The following ZNF205 variants were observed in gnomAD, a reference collection of about 807,000 sequenced individuals.
ZNF205 encodes zinc finger protein 205.
Under a neutral mutation model 53.6 loss-of-function variants are expected in ZNF205, and 32 were observed. That is an observed-to-expected ratio of 0.60 (90% CI 0.45 to 0.80). ZNF205 has a LOEUF of 0.80. Among genes scored for constraint, ZNF205 ranks in the 30% least tolerant of loss-of-function variants. ZNF205 has a pLI of 0.00. For missense variants in ZNF205, 836 were observed against 782.4 expected (o/e 1.07, Z -0.82); for synonymous variants, 382 against 334.3 (o/e 1.14, Z -1.56).
chr16:3,116,282 C>A, intron 4 of ZNF205, 145 bp from the exon 5 acceptor site: 5 of 1,281,562 alleles, frequency 3.9e-6, no homozygotes, highest in Non-Finnish European at 4.3e-6. Context: ...GGTGGCTCAC[C>A]TGCTTCCCGA....
In ZNF205 at chr16:3,119,528, C is replaced by A; in HGVS notation, c.868C>A (p.Pro290Thr). 1 of 1,604,274 alleles carries A rather than the reference C, an allele frequency of 6.2e-7. No homozygotes were observed. The highest frequency in any genetic ancestry group is 2.2e-5 in the East Asian group (1 of 44,656). ...EKPNEEEKGAPESGEEGLAPD... is the reference protein window; with the variant it reads ...EKPNEEEKGATESGEEGLAPD... ...GCCCAACGAGGAGGAGAAGGGCGCCCCGGAGAGTGGCGAGGAGGGCCTGGC... is the reference window on the plus strand; with the variant it reads ...GCCCAACGAGGAGGAGAAGGGCGCCACGGAGAGTGGCGAGGAGGGCCTGGC... Residue 290 changes from proline to threonine, a missense_variant, in exon 7 of 7, where the codon CCG becomes ACG. Transcript: ENST00000219091.
intron 5 of ZNF205, 22 bp downstream of exon 5, chr16:3,116,569 G>A: frequency 6.2e-7 from 1 of 1,610,284 alleles, no homozygotes; most frequent in Non-Finnish European, 8.5e-7. Flanking sequence ...CCTGGAGGGG[G>A]GACTGGGGTG....
At position 3,120,325 on chromosome 16, in the gene ZNF205, G is replaced by C. The variant is rs1957412827; in HGVS notation, c.1665G>C (p.Ter555TyrextTer36). The change falls in exon 7 of 7, where the codon TAG (stop) becomes TAC (tyrosine). Residue 555 changes from the stop codon to tyrosine (Y), a stop_lost. Transcript: ENST00000219091. Reference sequence around the variant, plus strand: ...CCACACCCCCACCCGCTCCCACCTAGGAGGCCAGGAAAGGGGGAGCGGGGC... The same window carrying C: ...CCACACCCCCACCCGCTCCCACCTACGAGGCCAGGAAAGGGGGAGCGGGGC... ...ALATPPPAPT[*>Y] 6.5e-7 allele frequency: 1 copy of C among 1,533,028 alleles called. No homozygotes were observed. 95.0% of individuals were successfully genotyped at this position (1,533,028 alleles called of 1,614,324 possible).
rs368513410 is a variant in ZNF205 at position 3,116,492 on chromosome 16, C to G, written c.429C>G (p.His143Gln). The G allele has an allele frequency of 2.3e-5, 37 of 1,613,996 alleles. No individual in the cohort carries two copies. In the African/African-American group the frequency reaches 4.5e-4, roughly 20 times the overall value. Residue 143 changes from histidine (H) to glutamine (Q), a missense_variant, in exon 5 of 7, where the codon CAC (histidine) becomes CAG (glutamine). Coordinates refer to ENST00000219091, the MANE Select transcript of ZNF205 (RefSeq NM_001042428.2). ...LSREEWGRLD[H>Q]TQQNFYRDVL... ...GGGAGGAGTGGGGACGGCTGGACCACACGCAGCAGAACTTCTACAGGGATG... is the reference window on the plus strand; with the variant it reads ...GGGAGGAGTGGGGACGGCTGGACCAGACGCAGCAGAACTTCTACAGGGATG...
chr16:3,115,324 A>G, intron 2 of ZNF205, 31 bp from the exon 3 acceptor site: 1 of 1,507,770 alleles, frequency 6.6e-7, no homozygotes, highest in Non-Finnish European at 8.9e-7. Flanking sequence ...TCTCCCACTC[A>G]TCTGGGTGCT....
intron 2 of ZNF205, among the ~76,000 whole-genome samples, chr16:3,113,873 G>GT (rs1957304943): frequency 6.6e-6 from 1 of 151,944 alleles, no homozygotes; most frequent in South Asian, 2.1e-4. Flanking sequence ...CCTGCTACCC[G>GT]TGTGTGTGTG....
Position 3,120,454 on chromosome 16 carries a change from C to A in ZNF205, c.*129C>A. 1 of 1,138,744 alleles carries A rather than the reference C, an allele frequency of 8.8e-7. No homozygotes were observed. Among genetic ancestry groups the A allele is most frequent in the South Asian group, 1.6e-5 (1 of 61,138 alleles). The allele number at this position is 1,138,744 out of a possible 1,614,324, so 70.5% of individuals were successfully genotyped here. A position where few individuals can be genotyped will look rare whatever the true frequency, so the allele number is the denominator to read the frequency against. On this transcript the variant is annotated 3_prime_UTR_variant, in exon 7 of 7. Coordinates refer to ENST00000219091, the MANE Select transcript of ZNF205 (RefSeq NM_001042428.2). ...GGTGAGGGCATGGGGTGAGGCATGG[C>A]GATGGGGGAGGGCGAGGGCGAGAAA...
chr16:3,116,614 C>A, intron 5 of ZNF205, 67 bp downstream of exon 5: 1 of 1,548,246 alleles, frequency 6.5e-7, no homozygotes. Flanking sequence ...TCTCCTCTTT[C>A]CTCCCTTCCC....
chr16:3,120,137 GC>G lies in ZNF205; in HGVS notation c.1478del (p.Ala493GlyfsTer44). On this transcript the variant is annotated frameshift_variant, in exon 7 of 7. Transcript: ENST00000219091. LOFTEE classifies it high-confidence loss of function. ...CTTCAGCCACAGCTCGCACCTCACC[GC>G]GCACCAGCGCACCCACCGTGGCGTG... ...KSFSHSSHLT[A>X]HQRTHRGVRP... 4 of 1,612,136 alleles carry G rather than the reference GC, an allele frequency of 2.5e-6. No individual in the cohort carries two copies. The highest frequency in any genetic ancestry group is 1.3e-5 in the African/African-American group (1 of 74,728).
In ZNF205 at chr16:3,115,827, A is replaced by G. The variant is rs755981889; in HGVS notation, c.272-2A>G. ...ACCGTGAGGACCTCTCTCCTCCCAC[A>G]GCCCTCCCCTCCCCCCGGATCCCCG... On this transcript the variant is annotated splice_acceptor_variant, in intron 3 of 6. Transcript: ENST00000219091. LOFTEE classifies it high-confidence loss of function. The G allele has an allele frequency of 6.2e-7, 1 of 1,611,938 alleles. No homozygotes were observed. The highest frequency in any genetic ancestry group is 8.5e-7 in the Non-Finnish European group (1 of 1,178,964).
In ZNF205 at chr16:3,119,728, C is replaced by A. The variant is rs778804453; in HGVS notation, c.1068C>A (p.Ile356=). The A allele has an allele frequency of 7.4e-6, 12 of 1,613,548 alleles. No homozygotes were observed. The Admixed American group carries it at 2.0e-4, about 27-fold the overall frequency. ...GRSSHLIQHQ[I]IHTGEKPYTC... The stretch of plus-strand genomic sequence containing the variant: ...GCTCGCACCTCATCCAGCACCAGAT[C>A]ATCCACACGGGCGAGAAGCCCTACA... The change falls in exon 7 of 7, where the codon ATC becomes ATA. Residue 356 remains isoleucine (I), a synonymous_variant. Coordinates refer to ENST00000219091, the MANE Select transcript of ZNF205 (RefSeq NM_001042428.2).
At position 3,119,816 on chromosome 16, in the gene ZNF205, C is replaced by T. The variant is rs1376506710; in HGVS notation, c.1156C>T (p.His386Tyr). Reference protein sequence around the residue: ...HSTLIQHQRIHTGEKPYVCDR... With the variant: ...HSTLIQHQRIYTGEKPYVCDR... ...CACGCTGATTCAGCACCAGCGCATCCACACCGGAGAGAAGCCCTACGTGTG... is the reference window on the plus strand; with the variant it reads ...CACGCTGATTCAGCACCAGCGCATCTACACCGGAGAGAAGCCCTACGTGTG... The change falls in exon 7 of 7, where the codon CAC becomes TAC. Residue 386 changes from histidine (H) to tyrosine (Y), a missense_variant. Transcript: ENST00000219091. 1 of 1,613,772 alleles carries T rather than the reference C, an allele frequency of 6.2e-7. No individual in the cohort carries two copies. Among genetic ancestry groups the T allele is most frequent in the South Asian group, 1.1e-5 (1 of 91,074 alleles).
At chr16:3,116,184 G>A in intron 4 of ZNF205, 2 of 654,776 alleles carry the variant, frequency 3.1e-6, no homozygotes, top group Non-Finnish European at 5.1e-6. Flanking sequence ...GCTGAGGCTG[G>A]GGGCTGCATG....
Position 3,113,429 on chromosome 16 carries a change from A to G in ZNF205, c.-2A>G. On this transcript the variant is annotated 5_prime_UTR_variant, in exon 2 of 7. Transcript: ENST00000219091. Reference sequence around the variant, plus strand: ...CTGTTCTTTCTAGCTCTGAAATAGAAAATGTCTGCAGACGGCGGAGGCATC... The same window carrying G: ...CTGTTCTTTCTAGCTCTGAAATAGAGAATGTCTGCAGACGGCGGAGGCATC... 1.2e-6 allele frequency: 2 copies of G among 1,613,310 alleles called. No homozygotes were observed. Among genetic ancestry groups the G allele is most frequent in the South Asian group, 2.2e-5 (2 of 90,934 alleles).
Position 3,115,379 on chromosome 16 carries a change from C to A in ZNF205, c.82C>A (p.Gln28Lys). The A allele has an allele frequency of 6.2e-7, 1 of 1,603,452 alleles. No homozygotes were observed. The highest frequency in any genetic ancestry group is 8.5e-7 in the Non-Finnish European group (1 of 1,175,298). Residue 28 changes from glutamine (Q) to lysine (K), a missense_variant, in exon 3 of 7, where the codon CAG (glutamine) becomes AAG (lysine). Transcript: ENST00000219091. Reference sequence around the variant, plus strand: ...GGTTCCAGATCGTGGACATCCTCATCAGGAAATGCCTTCTAAGCTGGGGGA... The same window carrying A: ...GGTTCCAGATCGTGGACATCCTCATAAGGAAATGCCTTCTAAGCTGGGGGA... Reference protein sequence around the residue: ...PEVPDRGHPHQEMPSKLGEAV... With the variant: ...PEVPDRGHPHKEMPSKLGEAV...
In ZNF205 at chr16:3,119,302, C is replaced by T. The variant is rs1446076553; in HGVS notation, c.642C>T (p.Ala214=). Residue 214 remains alanine (A), a synonymous_variant, in exon 7 of 7, where the codon GCC becomes GCT. Transcript: ENST00000219091. ...GGGTGCAGACCTCATCCGTGGCAGC[C>T]CTTGGGAATGTGAAGCCCTTCAGAA... The part of the protein sequence containing the change: ...GQRVQTSSVA[A]LGNVKPFRTR... 1.2e-6 allele frequency: 2 copies of T among 1,610,980 alleles called. No individual in the cohort carries two copies. The highest frequency in any genetic ancestry group is 2.2e-5 in the East Asian group (1 of 44,788).
intron 2 of ZNF205, among the ~76,000 whole-genome samples, chr16:3,114,476 A>G (rs1040787554): frequency 1.3e-5 from 2 of 152,130 alleles, no homozygotes; most frequent in African/African-American, 2.4e-5. Flanking sequence ...TCAAGACCCA[A>G]ACACAGACAG....
rs372339695 is a variant in ZNF205 at position 3,119,639 on chromosome 16, C to T, written c.979C>T (p.Arg327Trp). 74 of 1,611,964 alleles carry T rather than the reference C, an allele frequency of 4.6e-5. No individual in the cohort carries two copies. In the East Asian group the frequency reaches 1.1e-3, roughly 24 times the overall value. ...FSWHSHLVTH[R>W]RTHTGEKPYA... ...CTGGCACTCGCACCTGGTGACGCAC[C>T]GGCGCACGCACACGGGCGAGAAGCC... The change falls in exon 7 of 7, where the codon CGG becomes TGG. Residue 327 changes from arginine to tryptophan, a missense_variant. Physicochemically the swap from Arg to Trp is moderately radical, Grantham distance 101. Coordinates refer to ENST00000219091, the MANE Select transcript of ZNF205 (RefSeq NM_001042428.2).
At chr16:3,116,880 C>T (rs1957353155) in intron 5 of ZNF205, among the ~76,000 whole-genome samples, 2 of 152,096 alleles carry the variant, frequency 1.3e-5, no homozygotes, top group South Asian at 2.1e-4. Flanking sequence ...CTGCAAGCTC[C>T]GCCTCCCGGG....
Sources: gnomAD v4.1 joint callset for allele counts (sites outside exome capture counted in the v4.1 genomes callset) on GRCh38, gnomAD v4.1.1 for gene constraint, MANE v1.5 for transcripts, NCBI Gene and HGNC (gene_info 2026-07-23, HGNC 2026-07-21) for gene names.